WIPF1: variants seen among roughly 807,000 people sequenced by gnomAD.
The protein encoded by WIPF1 is WAS/WASL interacting protein family member 1.
Under a neutral mutation model 35.4 loss-of-function variants are expected in WIPF1, and 13 were observed. The ratio of observed to expected loss-of-function variants is 0.37; its 90% CI spans 0.24 to 0.58. The LOEUF (loss-of-function observed/expected upper bound fraction) is 0.58. WIPF1 is among the 20% of genes least tolerant of loss of function. The pLI, the probability that WIPF1 is intolerant of heterozygous loss-of-function variation, is 0.74. For synonymous variants in WIPF1, 267 were observed against 266.3 expected (o/e 1.00, Z -0.02); for missense variants, 591 against 667.0 (o/e 0.89, Z 1.25).
intron 4 of WIPF1, chr2:174,574,835 A>C (rs1684991838): frequency 1.4e-6 from 1 of 716,412 alleles, no homozygotes; most frequent in African/African-American, 1.8e-5. Flanking sequence ...TCTACTAGAC[A>C]GCTGGGCTAC....
chr2:174,672,382 A>C (rs541332839), intron 1 of WIPF1, among the ~76,000 whole-genome samples: 18 of 152,334 alleles, frequency 1.2e-4, no homozygotes, highest in African/African-American at 4.3e-4. Flanking sequence ...TATTACAAAA[A>C]ACAACCTCGG....
intron 1 of WIPF1, among the ~76,000 whole-genome samples, chr2:174,643,690 G>A (rs140163918): frequency 9.6e-5 from 14 of 145,438 alleles, no homozygotes; most frequent in African/African-American, 2.8e-4. Flanking sequence ...GATTACAGGC[G>A]TGAGCCACCA....
intron 3 of WIPF1, 166 bp from the exon 4 acceptor site, chr2:174,575,546 C>T: frequency 1.6e-6 from 2 of 1,245,746 alleles, no homozygotes; most frequent in South Asian, 1.9e-5. Context: ...TCAGTCAGAA[C>T]TGCCCGCTCC....
chr2:174,633,545 A>G (rs1280021406), intron 1 of WIPF1, among the ~76,000 whole-genome samples: 1 of 152,184 alleles, frequency 6.6e-6, no homozygotes, highest in Non-Finnish European at 1.5e-5. Flanking sequence ...CAGTCCAATA[A>G]TGTAGGAACT....
At chr2:174,612,194 A>G (rs1348181518) in intron 1 of WIPF1, among the ~76,000 whole-genome samples, 1 of 152,072 alleles carries the variant, frequency 6.6e-6, no homozygotes, top group Admixed American at 6.5e-5. Flanking sequence ...ACCATACCCC[A>G]CCTATTTTTA....
chr2:174,664,406 C>T (rs1189217884), intron 1 of WIPF1, among the ~76,000 whole-genome samples: 1 of 152,212 alleles, frequency 6.6e-6, no homozygotes, highest in Admixed American at 6.5e-5. Flanking sequence ...GAAACAAAGA[C>T]TCCATTTAGG....
chr2:174,573,795 C>T (rs1361803189), intron 4 of WIPF1, among the ~76,000 whole-genome samples: 1 of 151,944 alleles, frequency 6.6e-6, no homozygotes, highest in Non-Finnish European at 1.5e-5. Context: ...CCCTGCAGGA[C>T]AGAAGGGGTT....
Position 174,561,234 on chromosome 2 carries a change from C to T in WIPF1, c.*1313G>A, listed in dbSNP as rs1194780530. ...CTAGCAATCTCCCTAATTCGCTCAACCCTTACATAAGCATCAGATTTAGAT... is the reference window on the plus strand; with the variant it reads ...CTAGCAATCTCCCTAATTCGCTCAATCCTTACATAAGCATCAGATTTAGAT... On this transcript the variant is annotated 3_prime_UTR_variant, in exon 8 of 8. Coordinates refer to ENST00000679041, the MANE Select transcript of WIPF1 (RefSeq NM_001375834.1). The T allele has an allele frequency of 6.6e-6, 1 of 152,664 alleles. No individual in the cohort carries two copies. Among genetic ancestry groups the T allele is most frequent in the Non-Finnish European group, 1.5e-5 (1 of 68,042 alleles). The allele number at this position is 152,664 out of a possible 1,614,324, so 9.5% of individuals were successfully genotyped here.
At chr2:174,660,359 G>A (rs1418484979) in intron 1 of WIPF1, among the ~76,000 whole-genome samples, 1 of 152,144 alleles carries the variant, frequency 6.6e-6, no homozygotes, top group African/African-American at 2.4e-5. Context: ...TTCTCCATCT[G>A]TAAAATAATA....
At chr2:174,576,385 ACTT>A (rs2105818946) in intron 3 of WIPF1, among the ~76,000 whole-genome samples, 1 of 152,184 alleles carries the variant, frequency 6.6e-6, no homozygotes, top group African/African-American at 2.4e-5. Context: ...CTTTGTTAGC[ACTT>A]CTTGTGTCAT....
intron 1 of WIPF1, among the ~76,000 whole-genome samples, chr2:174,652,786 C>T (rs1574861621): frequency 6.7e-6 from 1 of 149,624 alleles, no homozygotes; most frequent in East Asian, 1.9e-4. Context: ...TATGTAAATT[C>T]CATTTAAAAA....
At chr2:174,574,739 A>T (rs553628005) in intron 4 of WIPF1, 1 of 635,420 alleles carries the variant, frequency 1.6e-6, no homozygotes, top group Non-Finnish European at 2.9e-6. Flanking sequence ...GTCATGCAAA[A>T]CACTTTTTCA....
Position 174,572,247 on chromosome 2 carries a change from T to C in WIPF1, c.558A>G (p.Pro186=), listed in dbSNP as rs1684890026. The C allele has an allele frequency of 6.2e-7, 1 of 1,614,020 alleles. No individual in the cohort carries two copies. The highest frequency in any genetic ancestry group is 8.5e-7 in the Non-Finnish European group (1 of 1,180,016). Reference sequence around the variant, plus strand: ...GAATGGGTCTTGGAGTACTAGGTACTGGAGGAGGAATGCTATCAGGCTTTG... The same window carrying C: ...GAATGGGTCTTGGAGTACTAGGTACCGGAGGAGGAATGCTATCAGGCTTTG... ...VGSKPDSIPP[P]VPSTPRPIQS... Residue 186 remains proline (P), a synonymous_variant, in exon 5 of 8, where the codon CCA becomes CCG. Coordinates refer to ENST00000679041, the MANE Select transcript of WIPF1 (RefSeq NM_001375834.1).
At chr2:174,655,185 C>T (rs536272877) in intron 1 of WIPF1, among the ~76,000 whole-genome samples, 1 of 152,124 alleles carries the variant, frequency 6.6e-6, no homozygotes, top group South Asian at 2.1e-4. Flanking sequence ...TAATCCCCAA[C>T]ACTTGCAGAT....
chr2:174,666,242 G>A (rs1400266947), intron 1 of WIPF1, among the ~76,000 whole-genome samples: 1 of 152,196 alleles, frequency 6.6e-6, no homozygotes. Context: ...TCCAGCCTGG[G>A]TGACACAGTG....
chr2:174,677,632 G>A (rs1347301763), intron 1 of WIPF1, among the ~76,000 whole-genome samples: 1 of 152,202 alleles, frequency 6.6e-6, no homozygotes, highest in African/African-American at 2.4e-5. Flanking sequence ...AAATTTGTAG[G>A]TAATTGTGTC....
At chr2:174,665,245 A>G (rs1048371075) in intron 1 of WIPF1, 1 of 152,142 alleles carries the variant, frequency 6.6e-6, no homozygotes, top group Admixed American at 6.5e-5. Context: ...TTTACTACGA[A>G]GCAAACACCT....
intron 2 of WIPF1, among the ~76,000 whole-genome samples, chr2:174,581,906 T>C (rs756436284): frequency 1.2e-4 from 19 of 152,248 alleles, no homozygotes; most frequent in Non-Finnish European, 1.9e-4. Context: ...TGTATGTTTT[T>C]TAAACCCACT....
At chr2:174,620,839 G>A (rs1339467966) in intron 1 of WIPF1, among the ~76,000 whole-genome samples, 1 of 152,214 alleles carries the variant, frequency 6.6e-6, no homozygotes, top group South Asian at 2.1e-4. Flanking sequence ...GCCTGTGCTT[G>A]AAAGCAGGGG....
Sources: allele counts gnomAD v4.1 joint callset (sites outside exome capture counted in the v4.1 genomes callset), GRCh38; gene constraint gnomAD v4.1.1; transcripts MANE v1.5; gene names NCBI Gene and HGNC (gene_info 2026-07-23, HGNC 2026-07-21).